Variants in GRIK1 observed in about 807,000 individuals in gnomAD.
GRIK1 encodes glutamate ionotropic receptor kainate type subunit 1, also known as glutamate receptor ionotropic, kainate 1.
GRIK1 carries 69 observed loss-of-function variants against 105.7 expected under a neutral mutation model. The ratio of observed to expected loss-of-function variants is 0.65; its 90% CI spans 0.54 to 0.80. The LOEUF is 0.80. Among genes scored for constraint, GRIK1 ranks in the 30% least tolerant of loss-of-function variants. GRIK1 has a pLI of 0.00. For synonymous variants in GRIK1, 438 were observed against 431.3 expected, an observed-to-expected ratio of 1.02 and a Z score of -0.19; for missense variants, 1,109 against 1,167.3, an observed-to-expected ratio of 0.95 and a Z score of 0.73.
At chr21:29,929,010 C>T (rs970967475) in intron 1 of GRIK1, among the ~76,000 whole-genome samples, 1 of 152,170 alleles carries the variant, frequency 6.6e-6, no homozygotes, top group Non-Finnish European at 1.5e-5. Context: ...AAGTTCCACA[C>T]ACTGGATGCT....
chr21:29,899,070 A>C (rs763408640), intron 1 of GRIK1, among the ~76,000 whole-genome samples: 1 of 152,198 alleles, frequency 6.6e-6, no homozygotes, highest in Non-Finnish European at 1.5e-5. Context: ...TCTAAAAGTC[A>C]GTTTTTAACT....
At chr21:29,588,236 A>G (rs1423879801) in intron 11 of GRIK1, among the ~76,000 whole-genome samples, 1 of 152,034 alleles carries the variant, frequency 6.6e-6, no homozygotes, top group East Asian at 1.9e-4. Flanking sequence ...AGACTCCCAA[A>G]GTGTAAAATT....
chr21:29,889,554 C>G (rs538153280), intron 1 of GRIK1, among the ~76,000 whole-genome samples: 18 of 151,918 alleles, frequency 1.2e-4, no homozygotes, highest in Middle Eastern at 3.4e-3. Context: ...TCCTGCTACA[C>G]TATAGGCATT....
chr21:29,798,365 A>T (rs115401434), intron 1 of GRIK1, among the ~76,000 whole-genome samples: 270 of 152,352 alleles, frequency 1.8e-3, no homozygotes, highest in African/African-American at 6.3e-3. Context: ...TACGTACTCC[A>T]GGATTATCGT....
intron 1 of GRIK1, among the ~76,000 whole-genome samples, chr21:29,788,281 A>C (rs2145808931): frequency 6.6e-6 from 1 of 152,344 alleles, no homozygotes; most frequent in South Asian, 2.1e-4. Context: ...TTATTATACA[A>C]GGTGGTCAAG....
At chr21:29,693,118 C>G (rs979073365) in intron 2 of GRIK1, among the ~76,000 whole-genome samples, 2 of 152,178 alleles carry the variant, frequency 1.3e-5, no homozygotes, top group Non-Finnish European at 2.9e-5. Flanking sequence ...AAGAACCCCC[C>G]CAATCTGGGG....
At chr21:29,817,190 T>G (rs1173838900) in intron 1 of GRIK1, among the ~76,000 whole-genome samples, 2 of 152,122 alleles carry the variant, frequency 1.3e-5, no homozygotes, top group African/African-American at 4.8e-5. Context: ...TCTGGTCAGA[T>G]TTGGTACAAT....
At chr21:29,633,840 C>G (rs2062338378) in intron 7 of GRIK1, among the ~76,000 whole-genome samples, 1 of 152,070 alleles carries the variant, frequency 6.6e-6, no homozygotes, top group African/African-American at 2.4e-5. Context: ...ATGCAGCTAA[C>G]TTTCAAGAGG....
chr21:29,863,624 G>T (rs1052423898), intron 1 of GRIK1, among the ~76,000 whole-genome samples: 1 of 152,038 alleles, frequency 6.6e-6, no homozygotes, highest in African/African-American at 2.4e-5. Flanking sequence ...TAGAAACCAC[G>T]GACCTGCTTT....
At chr21:29,645,306 T>C (rs1289716772) in intron 6 of GRIK1, among the ~76,000 whole-genome samples, 2 of 152,218 alleles carry the variant, frequency 1.3e-5, no homozygotes, top group East Asian at 1.9e-4. Flanking sequence ...CTCATGACCA[T>C]AGCCACATGC....
intron 15 of GRIK1, among the ~76,000 whole-genome samples, chr21:29,560,331 CT>C (rs1156383014): frequency 5.0e-5 from 6 of 120,540 alleles, no homozygotes; most frequent in African/African-American, 1.0e-4. Context: ...TTCTTTCTTT[CT>C]TTCTTTCTTT....
chr21:29,666,113 A>G (rs2063054098), intron 4 of GRIK1, among the ~76,000 whole-genome samples: 1 of 152,208 alleles, frequency 6.6e-6, no homozygotes, highest in African/African-American at 2.4e-5. Context: ...AGTGAAAAAT[A>G]AATAAATAAG....
chr21:29,837,852 C>T (rs1981328), intron 1 of GRIK1, among the ~76,000 whole-genome samples: 8 of 152,026 alleles, frequency 5.3e-5, no homozygotes, highest in Admixed American at 2.6e-4. Context: ...CTTCCAAAGC[C>T]CCGAGTGTGG....
At chr21:29,911,984 G>A (rs550509093) in intron 1 of GRIK1, among the ~76,000 whole-genome samples, 20 of 152,088 alleles carry the variant, frequency 1.3e-4, no homozygotes, top group African/African-American at 4.8e-4. Flanking sequence ...TGATAACACT[G>A]AAGTATTTAG....
rs1427708134 is a variant in GRIK1, at chr21:29,589,013, A to G, written c.1395T>C (p.Ser465=). The G allele has an allele frequency of 3.1e-6, 5 of 1,598,852 alleles. No individual in the cohort carries two copies. Among genetic ancestry groups the G allele is most frequent in the Non-Finnish European group, 3.4e-6 (4 of 1,166,126 alleles). ...TGTCATTTCCATATAGAGGCTTATC[A>G]GATTTCCTGTACATAACATAGGGTT... ...LEEPYVMYRK[S]DKPLYGNDRF... is the part of the protein sequence containing the mutation. Residue 465 remains serine, a synonymous_variant, in exon 11 of 18, where the codon TCT becomes TCC. Coordinates refer to ENST00000327783, the MANE Select transcript of GRIK1 (RefSeq NM_001330994.2).
chr21:29,770,517 C>A (rs181026518), intron 1 of GRIK1, among the ~76,000 whole-genome samples: 1 of 152,280 alleles, frequency 6.6e-6, no homozygotes, highest in East Asian at 1.9e-4. Context: ...TGTCTCCAGG[C>A]AGGAAGGTGA....
At chr21:29,913,759 T>C (rs1216275471) in intron 1 of GRIK1, among the ~76,000 whole-genome samples, 1 of 151,672 alleles carries the variant, frequency 6.6e-6, no homozygotes, top group Admixed American at 6.6e-5. Flanking sequence ...TGATTAAATC[T>C]TATGGCAGTC....
At chr21:29,597,831 G>C in intron 8 of GRIK1, 1 of 177,576 alleles carries the variant, frequency 5.6e-6, no homozygotes. Flanking sequence ...TTTTTGAGGG[G>C]GAGGGGTAGT....
intron 16 of GRIK1, chr21:29,553,744 G>A: frequency 7.5e-7 from 1 of 1,337,802 alleles, no homozygotes; most frequent in South Asian, 1.5e-5. Flanking sequence ...ATAGAAAAAT[G>A]AATAAATCAG....
Sources: gnomAD v4.1 joint callset for allele counts (sites outside exome capture counted in the v4.1 genomes callset) on GRCh38, gnomAD v4.1.1 for gene constraint, MANE v1.5 for transcripts, NCBI Gene and HGNC (gene_info 2026-07-23, HGNC 2026-07-21) for gene names.